Variants in ZBTB10 observed in about 807,000 individuals in gnomAD.
The protein encoded by ZBTB10 is zinc finger and BTB domain containing 10.
ZBTB10 carries 32 observed loss-of-function variants against 76.4 expected under a neutral mutation model. The ratio of observed to expected loss-of-function variants is 0.42; its 90% CI spans 0.32 to 0.56. The LOEUF (loss-of-function observed/expected upper bound fraction) is 0.56, where lower values mean the gene tolerates loss of function less well. Among genes scored for constraint, ZBTB10 ranks in the 20% least tolerant of loss-of-function variants. The pLI is 0.14. For synonymous variants in ZBTB10, 523 were observed against 432.9 expected, an observed-to-expected ratio of 1.21 and a Z score of -2.58; for missense variants, 1,057 against 1,098.5, an observed-to-expected ratio of 0.96 and a Z score of 0.53.
chr8:80,496,062 AT>A (rs1024269554), intron 1 of ZBTB10, among the ~76,000 whole-genome samples: 2 of 152,042 alleles, frequency 1.3e-5, no homozygotes, highest in Admixed American at 1.3e-4. Flanking sequence ...GGAAATAGTA[AT>A]TTTTTTTAAC....
At chr8:80,506,317 TC>T (rs1816051653) in intron 2 of ZBTB10, among the ~76,000 whole-genome samples, 1 of 152,136 alleles carries the variant, frequency 6.6e-6, no homozygotes, top group Non-Finnish European at 1.5e-5. Flanking sequence ...TTTCTTTTTT[TC>T]TTTTTTCTTT....
rs117048483 is a variant in ZBTB10 at position 80,514,348 on chromosome 8, A to C, written c.1960+340A>C. The stretch of plus-strand genomic sequence containing the variant: ...ATTTATTTTAATTAGTTTTTATGCA[A>C]AATGATGGTGTAGTTAATGGCTATA... On this transcript the variant is annotated intron_variant, in intron 3 of 5. Transcript: ENST00000455036. Among the ~76,000 whole-genome samples the C allele has an allele frequency of 8.6e-4, 131 of 152,166 alleles. 3 individuals carry two copies. In the East Asian group the frequency reaches 0.023, roughly 27 times the overall value.
intron 1 of ZBTB10, 24 bp downstream of exon 1, chr8:80,487,806 T>A: frequency 6.6e-7 from 1 of 1,526,268 alleles, no homozygotes; most frequent in Admixed American, 2.1e-5. Context: ...TGCTCCTACT[T>A]TTTTGAGATC....
chr8:80,487,681 G>C lies in ZBTB10; in HGVS notation c.871G>C (p.Gly291Arg). The C allele has an allele frequency of 1.2e-6, 2 of 1,613,948 alleles. No homozygotes were observed. The highest frequency in any genetic ancestry group is 1.7e-6 in the Non-Finnish European group (2 of 1,179,878). The change falls in exon 1 of 6, where the codon GGG (glycine) becomes CGG (arginine). Residue 291 changes from glycine (G) to arginine (R), a missense_variant. Around this residue, in one of 5 missense-constraint regions of ZBTB10, gnomAD observed 556 missense variants for 451.7 expected, o/e 1.23. Transcript: ENST00000455036. The part of the protein sequence containing the change: ...DGGSVDLPPV[G>R]HDELSRGTRN... ...GGGAAGCGTGGACCTTCCCCCAGTG[G>C]GGCATGATGAGCTTTCGCGAGGGAC...
Position 80,486,797 on chromosome 8 carries a change from CG to C in ZBTB10, c.-12del. On this transcript the variant is annotated 5_prime_UTR_variant, in exon 1 of 6. Transcript: ENST00000455036. ...GAGCCGGGGCACCGGGCGGCGGCGG[CG>C]GCGGCGCGCGCCATGTCGTTCAGTG... 1 of 1,406,038 alleles carries C rather than the reference CG, an allele frequency of 7.1e-7. No individual in the cohort carries two copies. The highest frequency in any genetic ancestry group is 9.2e-7 in the Non-Finnish European group (1 of 1,084,808). The allele number at this position is 1,406,038 out of a possible 1,614,324, so 87.1% of individuals were successfully genotyped here. A position where few individuals can be genotyped will look rare whatever the true frequency, so the allele number is the denominator to read the frequency against.
chr8:80,485,967 C>T (rs1256775646), upstream of ZBTB10: 7 of 1,359,652 alleles, frequency 5.1e-6, no homozygotes, highest in Non-Finnish European at 6.0e-6. Flanking sequence ...CGGCCGCACA[C>T]GCCCGCCCCC....
chr8:80,488,066 CAAAA>C (rs1668684330), intron 1 of ZBTB10, among the ~76,000 whole-genome samples: 1 of 151,974 alleles, frequency 6.6e-6, no homozygotes, highest in Admixed American at 6.6e-5. Context: ...CAGATTGAAT[CAAAA>C]AGAAAGTGAG....
chr8:80,503,752 G>A (rs1029373948), intron 2 of ZBTB10, among the ~76,000 whole-genome samples: 2 of 152,126 alleles, frequency 1.3e-5, no homozygotes, highest in African/African-American at 2.4e-5. Flanking sequence ...AAAAACTCCT[G>A]ACCACAAGTG....
At position 80,502,590 on chromosome 8, in the gene ZBTB10, GCTTAACT is replaced by G. The variant is rs541468406; in HGVS notation, c.1861+2210_1861+2216del. ...GATACCAGTTTGGTATCCGAACCTT[GCTTAACT>G]CACAAATTTGGTTCTATCCATGCCA... On this transcript the variant is annotated intron_variant, in intron 2 of 5. Transcript: ENST00000455036. Among the ~76,000 whole-genome samples the G allele has an allele frequency of 2.7e-4, 41 of 152,146 alleles. 1 individual carries two copies. The South Asian group carries it at 8.3e-3, about 31-fold the overall frequency.
At position 80,525,822 on chromosome 8, in the gene ZBTB10, C is replaced by T. The variant is rs1277344673; in HGVS notation, c.*6294C>T. On this transcript the variant is annotated 3_prime_UTR_variant, in exon 6 of 6. Coordinates refer to ENST00000455036, the MANE Select transcript of ZBTB10 (RefSeq NM_001105539.3). ...TATTTACTAAGTGAGTGACAAAAGG[C>T]ACTAGCAACTTTAAGGATTTTGCCT... is the stretch of plus-strand genomic sequence containing the variant. The T allele has an allele frequency of 6.6e-6, 1 of 152,148 alleles. No individual in the cohort carries two copies. Among genetic ancestry groups the T allele is most frequent in the East Asian group, 1.9e-4 (1 of 5,196 alleles). The allele number at this position is 152,148 out of a possible 1,614,324, so 9.4% of individuals were successfully genotyped here. A position where few individuals can be genotyped will look rare whatever the true frequency, so the allele number is the denominator to read the frequency against.
rs1213603139 is a variant in ZBTB10, at chr8:80,486,711, C to G, written c.-100C>G. 1.0e-6 allele frequency: 1 copy of G among 997,764 alleles called. No homozygotes were observed. The highest frequency in any genetic ancestry group is 4.5e-5 in the South Asian group (1 of 22,204). The allele number at this position is 997,764 out of a possible 1,614,324, so 61.8% of individuals were successfully genotyped here. A position where few individuals can be genotyped will look rare whatever the true frequency, so the allele number is the denominator to read the frequency against. ...CCCCGCGAGACCGGAACGCCGGGGG[C>G]GGGGGCGAGACAGAGGGGGAGCCGC... On this transcript the variant is annotated 5_prime_UTR_variant, in exon 1 of 6. Transcript: ENST00000455036.
At position 80,486,484 on chromosome 8, in the gene ZBTB10, G is replaced by T. The variant is rs941731296; in HGVS notation, c.-327G>T. The T allele has an allele frequency of 2.0e-6, 2 of 985,078 alleles. No individual in the cohort carries two copies. The highest frequency in any genetic ancestry group is 3.5e-5 in the African/African-American group (2 of 57,172). The allele number at this position is 985,078 out of a possible 1,614,324, so 61.0% of individuals were successfully genotyped here. ...TCCGCTGCTCAACTTCGAAGGCCTC[G>T]CTCGCTGCAGGCTCGCTCCTCACCT... On this transcript the variant is annotated 5_prime_UTR_variant, in exon 1 of 6. Transcript: ENST00000455036.
In ZBTB10 at chr8:80,522,785, G is replaced by C. The variant is rs759943941; in HGVS notation, c.*3257G>C. 1.2e-4 allele frequency: 18 copies of C among 151,638 alleles called. No homozygotes were observed. Among genetic ancestry groups the C allele is most frequent in the Non-Finnish European group, 2.2e-4 (15 of 67,770 alleles). The allele number at this position is 151,638 out of a possible 1,614,324, so 9.4% of individuals were successfully genotyped here. A position where few individuals can be genotyped will look rare whatever the true frequency, so the allele number is the denominator to read the frequency against. On this transcript the variant is annotated 3_prime_UTR_variant, in exon 6 of 6. Coordinates refer to ENST00000455036, the MANE Select transcript of ZBTB10 (RefSeq NM_001105539.3). Reference sequence around the variant, plus strand: ...AGAGGAAAAAGAAATAAGAAAAGATGGGGGAAAGGAAGGAGAAAATAGGAA... The same window carrying C: ...AGAGGAAAAAGAAATAAGAAAAGATCGGGGAAAGGAAGGAGAAAATAGGAA...
chr8:80,492,564 C>T (rs992193898), intron 1 of ZBTB10, among the ~76,000 whole-genome samples: 3 of 151,910 alleles, frequency 2.0e-5, no homozygotes, highest in Admixed American at 6.6e-5. Context: ...CTGCAACCTC[C>T]GCCTCCTGGG....
chr8:80,495,087 A>G (rs921038489), intron 1 of ZBTB10, among the ~76,000 whole-genome samples: 5 of 151,580 alleles, frequency 3.3e-5, no homozygotes, highest in African/African-American at 9.7e-5. Context: ...GCCTATAGCA[A>G]TGGTTCTAAT....
chr8:80,493,227 A>G (rs1815690162), intron 1 of ZBTB10, among the ~76,000 whole-genome samples: 1 of 150,100 alleles, frequency 6.7e-6, no homozygotes, highest in Non-Finnish European at 1.5e-5. Flanking sequence ...ACACACACAC[A>G]CACACACACA....
chr8:80,493,201 GCGCGCGCACACACACACA>G (rs1339790440), intron 1 of ZBTB10, among the ~76,000 whole-genome samples: 2 of 110,640 alleles, frequency 1.8e-5, no homozygotes. Context: ...AAACGCGCGC[GCGCGCGCACACACACACA>G]CACACACACA....
upstream of ZBTB10, chr8:80,485,907 G>A: frequency 6.5e-7 from 1 of 1,532,320 alleles, no homozygotes; most frequent in Non-Finnish European, 8.7e-7. Context: ...GCGGGGAGGC[G>A]GCCAGACCCT....
intron 1 of ZBTB10, among the ~76,000 whole-genome samples, chr8:80,488,056 C>G (rs1241038906): frequency 6.6e-6 from 1 of 151,912 alleles, no homozygotes; most frequent in Non-Finnish European, 1.5e-5. Context: ...CATTTCTTAT[C>G]AGATTGAATC....
Sources: allele counts gnomAD v4.1 joint callset (sites outside exome capture counted in the v4.1 genomes callset), GRCh38; gene constraint gnomAD v4.1.1; regional missense constraint gnomAD v4.1.1; transcripts MANE v1.5; gene names NCBI Gene and HGNC (gene_info 2026-07-23, HGNC 2026-07-21).